Variants in CDC14A observed in about 807,000 individuals in gnomAD.
CDC14A encodes the protein dual specificity protein phosphatase CDC14A.
Under a neutral mutation model 74.4 loss-of-function variants are expected in CDC14A, and 53 were observed. The observed-to-expected ratio is 0.71, with a 90% CI of 0.57 to 0.89. The LOEUF (loss-of-function observed/expected upper bound fraction) is 0.89, where lower values mean the gene tolerates loss of function less well. Ranked by LOEUF, CDC14A falls within the 40% of genes least tolerant of loss-of-function variation. CDC14A has a pLI of 0.00. For synonymous variants in CDC14A, 247 were observed against 258.4 expected (o/e 0.96, Z 0.43); for missense variants, 646 against 713.7 (o/e 0.91, Z 1.08).
intron 15 of CDC14A, among the ~76,000 whole-genome samples, chr1:100,504,655 T>G (rs1649074438): frequency 6.6e-6 from 1 of 152,242 alleles, no homozygotes; most frequent in Non-Finnish European, 1.5e-5. Context: ...TTCAACATCT[T>G]ATTTCCCTGT....
rs148737918 is a variant in CDC14A, at chr1:100,468,051, C to G, written c.934C>G (p.Arg312Gly). The change falls in exon 10 of 16, where the codon CGG becomes GGG. Residue 312 changes from arginine to glycine, a missense_variant. Physicochemically the swap from Arg to Gly is moderately radical, Grantham distance 125. Coordinates refer to ENST00000336454, the MANE Select transcript of CDC14A (RefSeq NM_003672.4). ...AATAATTGCTTGGATTAGAATATGC[C>G]GGCCAGGCTCTATTATAGGACCCCA... is the stretch of plus-strand genomic sequence containing the variant. ...AEIIAWIRIC[R>G]PGSIIGPQQH... 6.2e-7 allele frequency: 1 copy of G among 1,613,084 alleles called. No individual in the cohort carries two copies. The highest frequency in any genetic ancestry group is 8.5e-7 in the Non-Finnish European group (1 of 1,179,654).
chr1:100,443,055 C>G, intron 7 of CDC14A, 59 bp downstream of exon 7: 1 of 1,125,410 alleles, frequency 8.9e-7, no homozygotes, highest in South Asian at 1.3e-5. Flanking sequence ...TTTTTTCCCC[C>G]TGTCACACTC....
chr1:100,491,548 C>CTA lies in CDC14A; in HGVS notation c.1138-3246_1138-3245dup, dbSNP rs67056785. 6.1e-3 allele frequency among the ~76,000 whole-genome samples: 236 copies of CTA among 38,756 alleles called. 10 individuals carry two copies. The highest frequency in any genetic ancestry group is 0.043 in the Middle Eastern group (2 of 46). The allele number at this position is 38,756 out of a possible 152,430, so 25.4% of individuals were successfully genotyped here. A position where few individuals can be genotyped will look rare whatever the true frequency, so the allele number is the denominator to read the frequency against. On this transcript the variant is annotated intron_variant, in intron 11 of 15. Transcript: ENST00000336454. ...TCTCTCTCTCTCTCTCTCTCTCTCT[C>CTA]TATATATATATATATATATATATAT... is the stretch of plus-strand genomic sequence containing the variant.
chr1:100,357,324 G>A (rs931823250), intron 2 of CDC14A, among the ~76,000 whole-genome samples: 4 of 152,070 alleles, frequency 2.6e-5, no homozygotes, highest in African/African-American at 9.7e-5. Flanking sequence ...AGGGAAGGTG[G>A]AAGTACGCAA....
chr1:100,490,478 T>G (rs1009346003), intron 11 of CDC14A, among the ~76,000 whole-genome samples: 1 of 152,148 alleles, frequency 6.6e-6, no homozygotes, highest in African/African-American at 2.4e-5. Flanking sequence ...GTTTACATTT[T>G]AGTAGATTTT....
chr1:100,448,224 A>T (rs1665766147), intron 7 of CDC14A, among the ~76,000 whole-genome samples: 1 of 152,232 alleles, frequency 6.6e-6, no homozygotes, highest in African/African-American at 2.4e-5. Context: ...AATGACTTCA[A>T]AACTGAGAAA....
At chr1:100,414,614 T>C (rs541226990) in intron 4 of CDC14A, among the ~76,000 whole-genome samples, 1 of 152,328 alleles carries the variant, frequency 6.6e-6, no homozygotes, top group South Asian at 2.1e-4. Flanking sequence ...TACCCAGAAG[T>C]AAGCAGTGAA....
In CDC14A at chr1:100,468,486, A is replaced by G. The variant is rs560537542; in HGVS notation, c.977+392A>G. 4.6e-5 allele frequency among the ~76,000 whole-genome samples: 7 copies of G among 152,344 alleles called. No homozygotes were observed. In the South Asian group the frequency reaches 1.4e-3, roughly 32 times the overall value. ...ATTAAGGTCACTCAGTGATTTTGGT[A>G]AGATTGCTGCTCTCCTGACAACTAA... On this transcript the variant is annotated intron_variant, in intron 10 of 15. Coordinates refer to ENST00000336454, the MANE Select transcript of CDC14A (RefSeq NM_003672.4).
At chr1:100,357,379 G>T in intron 2 of CDC14A, among the ~76,000 whole-genome samples, 1 of 152,002 alleles carries the variant, frequency 6.6e-6, no homozygotes, top group East Asian at 1.9e-4. Flanking sequence ...AAAGGGAGAA[G>T]GACTGACTCC....
intron 5 of CDC14A, among the ~76,000 whole-genome samples, chr1:100,438,496 C>T (rs919592305): frequency 6.6e-6 from 1 of 151,948 alleles, no homozygotes; most frequent in Non-Finnish European, 1.5e-5. Context: ...CTGGCATAGC[C>T]CATTAAAATT....
chr1:100,412,330 G>C (rs1389835122), intron 4 of CDC14A, among the ~76,000 whole-genome samples: 6 of 151,986 alleles, frequency 3.9e-5, no homozygotes, highest in East Asian at 1.9e-4. Flanking sequence ...CCTGGGATTA[G>C]ATCTGAAATG....
intron 15 of CDC14A, among the ~76,000 whole-genome samples, chr1:100,499,971 C>T (rs968204332): frequency 8.5e-5 from 13 of 152,110 alleles, no homozygotes. Context: ...ACACATCTTA[C>T]CAATGAGATC....
intron 5 of CDC14A, among the ~76,000 whole-genome samples, chr1:100,429,700 A>ATT (rs1165262715): frequency 1.4e-5 from 2 of 144,074 alleles, no homozygotes; most frequent in African/African-American, 5.0e-5. Flanking sequence ...ATATATATAT[A>ATT]TATCAAGTAT....
intron 8 of CDC14A, among the ~76,000 whole-genome samples, chr1:100,462,157 G>C (rs1054028857): frequency 1.3e-5 from 2 of 152,114 alleles, no homozygotes; most frequent in East Asian, 3.8e-4. Context: ...GAAATGATAC[G>C]CAATTGTGAC....
chr1:100,479,996 G>A (rs1669287391), intron 10 of CDC14A, among the ~76,000 whole-genome samples: 1 of 152,112 alleles, frequency 6.6e-6, no homozygotes, highest in Admixed American at 6.5e-5. Context: ...GGTAAAATAT[G>A]TATAACATAA....
At chr1:100,357,653 C>T (rs1254319711) in intron 2 of CDC14A, among the ~76,000 whole-genome samples, 15 of 151,374 alleles carry the variant, frequency 9.9e-5, no homozygotes, top group Admixed American at 9.9e-4. Context: ...CCCAGCTACT[C>T]TTGAGGCTGA....
At chr1:100,450,639 C>A (rs546234757) in intron 7 of CDC14A, among the ~76,000 whole-genome samples, 1 of 152,294 alleles carries the variant, frequency 6.6e-6, no homozygotes, top group South Asian at 2.1e-4. Context: ...TCCTGGCCAC[C>A]GCAACTGCAA....
intron 3 of CDC14A, among the ~76,000 whole-genome samples, chr1:100,379,423 A>G (rs771328365): frequency 1.3e-5 from 2 of 152,254 alleles, no homozygotes; most frequent in African/African-American, 2.4e-5. Context: ...TGGGCACTGC[A>G]TTACTTGCTG....
At chr1:100,483,862 A>G (rs1038482543) in intron 10 of CDC14A, among the ~76,000 whole-genome samples, 2 of 152,184 alleles carry the variant, frequency 1.3e-5, no homozygotes, top group Admixed American at 6.5e-5. Flanking sequence ...TTTTTTGGGT[A>G]ATATCTCCAT....
Sources: gnomAD v4.1 joint callset for allele counts (sites outside exome capture counted in the v4.1 genomes callset) on GRCh38, gnomAD v4.1.1 for gene constraint, MANE v1.5 for transcripts, NCBI Gene and HGNC (gene_info 2026-07-23, HGNC 2026-07-21) for gene names.